Variants in CTNNA2 observed in about 807,000 individuals in gnomAD.
CTNNA2 encodes catenin alpha-2.
In CTNNA2, 42 loss-of-function variants were observed where a neutral mutation model predicts 101.0. The ratio of observed to expected loss-of-function variants is 0.42; its 90% CI spans 0.32 to 0.54. CTNNA2 has a LOEUF of 0.54. Among genes scored for constraint, CTNNA2 ranks in the 20% least tolerant of loss-of-function variants. The pLI is 0.14. For synonymous variants in CTNNA2, 450 were observed against 456.4 expected (o/e 0.99, Z 0.18); for missense variants, 871 against 1,223.1 (o/e 0.71, Z 4.29).
intron 3 of CTNNA2, among the ~76,000 whole-genome samples, chr2:79,803,572 T>TC (rs1676334101): frequency 6.6e-6 from 1 of 152,254 alleles, no homozygotes; most frequent in African/African-American, 2.4e-5. Flanking sequence ...TAAGCAGTTT[T>TC]CCGCCCTGGG....
chr2:79,851,313 T>A (rs1379192553), intron 3 of CTNNA2, among the ~76,000 whole-genome samples: 1 of 152,250 alleles, frequency 6.6e-6, no homozygotes, highest in African/African-American at 2.4e-5. Context: ...AAGTATTACA[T>A]TGCCTTACAG....
chr2:79,928,292 C>T (rs1024318993), intron 7 of CTNNA2, among the ~76,000 whole-genome samples: 20 of 152,180 alleles, frequency 1.3e-4, no homozygotes, highest in African/African-American at 3.4e-4. Context: ...TGACTTACAT[C>T]GGGTAGTATT....
At chr2:79,549,540 T>G (rs1673958100) in intron 1 of CTNNA2, among the ~76,000 whole-genome samples, 1 of 152,202 alleles carries the variant, frequency 6.6e-6, no homozygotes, top group Non-Finnish European at 1.5e-5. Flanking sequence ...TTCTTTGTCA[T>G]GTAACTATGA....
chr2:79,970,951 G>A (rs1241419943), intron 7 of CTNNA2, among the ~76,000 whole-genome samples: 1 of 152,108 alleles, frequency 6.6e-6, no homozygotes, highest in Non-Finnish European at 1.5e-5. Context: ...GAACTACTTG[G>A]CCTTATTCCT....
chr2:79,575,663 T>G (rs1675748980), intron 1 of CTNNA2: 1 of 152,220 alleles, frequency 6.6e-6, no homozygotes, highest in Admixed American at 6.5e-5. Flanking sequence ...TCCATCACCT[T>G]GGACTTGCTG....
intron 12 of CTNNA2, among the ~76,000 whole-genome samples, chr2:80,570,381 C>T (rs575147154): frequency 4.9e-4 from 74 of 152,198 alleles, no homozygotes; most frequent in Non-Finnish European, 1.8e-4. Context: ...AGGATAAGAC[C>T]GAATGAGCGA....
At chr2:79,434,223 A>G (rs1368966701) in intron 4 of CTNNA2, among the ~76,000 whole-genome samples, 1 of 150,230 alleles carries the variant, frequency 6.7e-6, no homozygotes, top group Admixed American at 6.6e-5. Context: ...ACCTGAGCCT[A>G]GTAAGTCAAG....
At chr2:80,124,498 T>C (rs1426574724) in intron 7 of CTNNA2, among the ~76,000 whole-genome samples, 1 of 152,128 alleles carries the variant, frequency 6.6e-6, no homozygotes, top group Non-Finnish European at 1.5e-5. Flanking sequence ...AAATATAACT[T>C]CATATTCTTT....
At chr2:79,964,123 C>T (rs896632073) in intron 7 of CTNNA2, among the ~76,000 whole-genome samples, 2 of 152,178 alleles carry the variant, frequency 1.3e-5, no homozygotes, top group South Asian at 4.1e-4. Flanking sequence ...CCAGTTGATT[C>T]GTCTCAGAAA....
At chr2:79,231,791 C>G (rs764301397) in intron 2 of CTNNA2, among the ~76,000 whole-genome samples, 1 of 151,372 alleles carries the variant, frequency 6.6e-6, no homozygotes, top group Non-Finnish European at 1.5e-5. Context: ...GTAAGATAGA[C>G]TCCTAGGTAT....
chr2:79,321,984 T>C (rs1420943348), intron 3 of CTNNA2, among the ~76,000 whole-genome samples: 1 of 152,166 alleles, frequency 6.6e-6, no homozygotes. Context: ...TACTGAGCAT[T>C]TGAAGTCCAT....
chr2:80,533,628 A>G (rs1013422509), intron 9 of CTNNA2, among the ~76,000 whole-genome samples: 2 of 152,326 alleles, frequency 1.3e-5, no homozygotes, highest in Middle Eastern at 3.4e-3. Flanking sequence ...CTGCATTGCC[A>G]GAGATGGATC....
intron 4 of CTNNA2, among the ~76,000 whole-genome samples, chr2:79,398,892 A>G (rs1250205840): frequency 6.6e-6 from 1 of 152,030 alleles, no homozygotes; most frequent in Non-Finnish European, 1.5e-5. Context: ...TAAAAACAAT[A>G]AGCTTTGTGA....
intron 7 of CTNNA2, among the ~76,000 whole-genome samples, chr2:80,322,804 A>T (rs995924640): frequency 9.2e-5 from 14 of 152,124 alleles, no homozygotes; most frequent in Non-Finnish European, 1.6e-4. Flanking sequence ...ATACTCCAAA[A>T]TCAACCAGGG....
At chr2:80,543,134 T>A (rs1991913) in intron 9 of CTNNA2, among the ~76,000 whole-genome samples, 65,510 of 152,110 alleles carry the variant, frequency 0.43, 14,286 homozygotes, top group South Asian at 0.56. Context: ...TAAATAAACA[T>A]GTACAAAACA....
intron 7 of CTNNA2, among the ~76,000 whole-genome samples, chr2:80,202,803 A>T (rs1220978163): frequency 6.6e-6 from 1 of 152,150 alleles, no homozygotes; most frequent in Non-Finnish European, 1.5e-5. Flanking sequence ...AAGACTTTTT[A>T]AAGCCTCTCC....
At chr2:79,514,125 A>G (rs770168433) in intron 1 of CTNNA2, among the ~76,000 whole-genome samples, 63 of 152,346 alleles carry the variant, frequency 4.1e-4, no homozygotes, top group Admixed American at 1.8e-3. Flanking sequence ...GCACCACAGC[A>G]TTATTTATGG....
At chr2:79,791,631 G>A (rs1348470099) in intron 3 of CTNNA2, among the ~76,000 whole-genome samples, 1 of 152,020 alleles carries the variant, frequency 6.6e-6, no homozygotes, top group African/African-American at 2.4e-5. Flanking sequence ...AAGAAAATGG[G>A]GAGAATATTA....
intron 3 of CTNNA2, among the ~76,000 whole-genome samples, chr2:79,816,743 G>C (rs958153074): frequency 2.0e-5 from 3 of 152,264 alleles, no homozygotes; most frequent in Non-Finnish European, 2.9e-5. Flanking sequence ...CTAGATGTCA[G>C]ACACTATTCT....
Sources: gnomAD v4.1 joint callset for allele counts (sites outside exome capture counted in the v4.1 genomes callset) on GRCh38, gnomAD v4.1.1 for gene constraint, MANE v1.5 for transcripts, NCBI Gene and HGNC (gene_info 2026-07-23, HGNC 2026-07-21) for gene names.